The following YEATS2 variants were observed in gnomAD, a reference collection of about 807,000 sequenced individuals.
YEATS2 encodes YEATS domain-containing protein 2.
Under a neutral mutation model 163.2 loss-of-function variants are expected in YEATS2, and 77 were observed. The observed-to-expected ratio is 0.47, with a 90% CI of 0.39 to 0.57. The LOEUF is 0.57. YEATS2 is among the 20% of genes least tolerant of loss of function. The pLI is 0.00. For missense variants in YEATS2, 1,549 were observed against 1,729.8 expected (o/e 0.90, Z 1.85); for synonymous variants, 631 against 645.1 (o/e 0.98, Z 0.33).
intron 1 of YEATS2, among the ~76,000 whole-genome samples, chr3:183,709,270 C>T (rs1714936108): frequency 6.6e-6 from 1 of 152,132 alleles, no homozygotes; most frequent in South Asian, 2.1e-4. Context: ...GCATTTACTT[C>T]TATAAAGCTT....
chr3:183,795,894 C>T (rs780052951), intron 21 of YEATS2, among the ~76,000 whole-genome samples: 3 of 151,494 alleles, frequency 2.0e-5, no homozygotes, highest in Non-Finnish European at 4.4e-5. Context: ...AGGCCTTGCT[C>T]TAGAAAGTAT....
chr3:183,789,668 T>G (rs1368114885), intron 20 of YEATS2, among the ~76,000 whole-genome samples: 3 of 150,664 alleles, frequency 2.0e-5, no homozygotes, highest in Non-Finnish European at 4.4e-5. Context: ...CCTGAGTAGC[T>G]GAGATTACAG....
At chr3:183,700,436 T>A (rs1213464707) in intron 1 of YEATS2, among the ~76,000 whole-genome samples, 1 of 151,728 alleles carries the variant, frequency 6.6e-6, no homozygotes, top group Non-Finnish European at 1.5e-5. Flanking sequence ...GAATGTTCAT[T>A]GCCACGTTCT....
At chr3:183,789,226 A>C (rs1724352933) in intron 20 of YEATS2, among the ~76,000 whole-genome samples, 1 of 152,064 alleles carries the variant, frequency 6.6e-6, no homozygotes, top group African/African-American at 2.4e-5. Context: ...GAGTTTCCCT[A>C]ATGTTTTCTT....
intron 9 of YEATS2, among the ~76,000 whole-genome samples, chr3:183,751,826 T>G (rs1720196220): frequency 6.6e-6 from 1 of 152,168 alleles, no homozygotes; most frequent in African/African-American, 2.4e-5. Context: ...GAGGTCCCAA[T>G]TTTGTGAATA....
intron 11 of YEATS2, among the ~76,000 whole-genome samples, chr3:183,755,176 C>G (rs759107855): frequency 6.6e-6 from 1 of 151,828 alleles, no homozygotes; most frequent in East Asian, 1.9e-4. Flanking sequence ...AGTGCAATGG[C>G]GCGATCTCAG....
chr3:183,724,658 A>G (rs1716880438), intron 6 of YEATS2, 127 bp downstream of exon 6: 3 of 660,960 alleles, frequency 4.5e-6, no homozygotes, highest in Non-Finnish European at 7.2e-6. Context: ...AGTTGTTTAA[A>G]AAGTAAACCA....
At chr3:183,699,307 T>C (rs1327986327) in intron 1 of YEATS2, among the ~76,000 whole-genome samples, 1 of 151,968 alleles carries the variant, frequency 6.6e-6, no homozygotes, top group African/African-American at 2.4e-5. Flanking sequence ...AAACGAATTC[T>C]ATTTTAGATG....
intron 15 of YEATS2, among the ~76,000 whole-genome samples, chr3:183,764,759 A>T (rs2109368955): frequency 6.6e-6 from 1 of 152,280 alleles, no homozygotes; most frequent in South Asian, 2.1e-4. Context: ...GTGAGACGAG[A>T]TCTTGCTATT....
At chr3:183,716,995 C>T (rs1291848172) in intron 2 of YEATS2, among the ~76,000 whole-genome samples, 20 of 151,716 alleles carry the variant, frequency 1.3e-4, no homozygotes, top group Admixed American at 1.2e-3. Context: ...CAAGTTCAAG[C>T]GATTCTCCTG....
intron 21 of YEATS2, chr3:183,793,144 C>T (rs1560323298): frequency 7.8e-7 from 1 of 1,289,314 alleles, no homozygotes; most frequent in East Asian, 5.6e-5. Context: ...ACGGCTGGCA[C>T]TGGTCTACCG....
At position 183,777,438 on chromosome 3, in the gene YEATS2, T is replaced by C. The variant is rs1274311582; in HGVS notation, c.2578-104T>C. ...ATTGCAGAATTAAAGGGGAGAGCGT[T>C]GTAGCTTGTAACATGGGACGTTACA... On this transcript the variant is annotated intron_variant, in intron 18 of 30. Coordinates refer to ENST00000305135, the MANE Select transcript of YEATS2 (RefSeq NM_018023.5). 3.2e-6 allele frequency: 4 copies of C among 1,243,542 alleles called. No homozygotes were observed. In the Admixed American group the frequency reaches 1.0e-4, roughly 31 times the overall value. The allele number at this position is 1,243,542 out of a possible 1,614,324, so 77.0% of individuals were successfully genotyped here.
chr3:183,778,320 G>C (rs1324402630), intron 19 of YEATS2, among the ~76,000 whole-genome samples: 1 of 152,108 alleles, frequency 6.6e-6, no homozygotes, highest in Non-Finnish European at 1.5e-5. Flanking sequence ...TGAGAAGCAT[G>C]GTCAGTTTTA....
chr3:183,755,741 C>CTTTTTTTTTTTTTTTTTTTTTTTTTTT lies in YEATS2; in HGVS notation c.1391-784_1391-758dup, dbSNP rs57050296. Among the ~76,000 whole-genome samples, 2 of 82,220 alleles carry CTTTTTTTTTTTTTTTTTTTTTTTTTTT rather than the reference C, an allele frequency of 2.4e-5. 1 individual carries two copies. The highest frequency in any genetic ancestry group is 1.2e-4 in the African/African-American group (2 of 16,544). The allele number at this position is 82,220 out of a possible 152,430, so 53.9% of individuals were successfully genotyped here. A position where few individuals can be genotyped will look rare whatever the true frequency, so the allele number is the denominator to read the frequency against. ...ACTTACTGATTTTCTTCCTTCCTTT[C>CTTTTTTTTTTTTTTTTTTTTTTTTTTT]TTTTTTTTTTTTTTTTTTTTTTTTT... On this transcript the variant is annotated intron_variant, in intron 11 of 30. Coordinates refer to ENST00000305135, the MANE Select transcript of YEATS2 (RefSeq NM_018023.5).
chr3:183,767,768 C>T (rs189149327), intron 15 of YEATS2, among the ~76,000 whole-genome samples: 8 of 152,098 alleles, frequency 5.3e-5, no homozygotes, highest in East Asian at 3.9e-4. Context: ...CCGCCCACCT[C>T]GGCCTCCCAA....
At chr3:183,767,706 G>A (rs562598041) in intron 15 of YEATS2, among the ~76,000 whole-genome samples, 1 of 151,566 alleles carries the variant, frequency 6.6e-6, no homozygotes, top group Admixed American at 6.6e-5. Flanking sequence ...TAATAGAGAC[G>A]GGGTTTTACC....
At chr3:183,766,157 C>T (rs1020536249) in intron 15 of YEATS2, among the ~76,000 whole-genome samples, 17 of 152,190 alleles carry the variant, frequency 1.1e-4, no homozygotes, top group South Asian at 2.1e-4. Context: ...GGAGCATGAG[C>T]TTTGCAGTTA....
chr3:183,780,751 C>G (rs1169396286), intron 19 of YEATS2, among the ~76,000 whole-genome samples: 15 of 152,254 alleles, frequency 9.9e-5, no homozygotes, highest in Non-Finnish European at 7.3e-5. Flanking sequence ...TTTAGCTAAT[C>G]AAGTGGATAA....
At chr3:183,797,674 C>T (rs565347292) in intron 21 of YEATS2, among the ~76,000 whole-genome samples, 2 of 152,042 alleles carry the variant, frequency 1.3e-5, no homozygotes, top group South Asian at 2.1e-4. Context: ...TGCACTAAGC[C>T]GAGATCGCGT....
Sources: gnomAD v4.1 joint callset for allele counts (sites outside exome capture counted in the v4.1 genomes callset) on GRCh38, gnomAD v4.1.1 for gene constraint, MANE v1.5 for transcripts, NCBI Gene and HGNC (gene_info 2026-07-23, HGNC 2026-07-21) for gene names.